The following AGBL1 variants were observed in gnomAD, a reference collection of about 807,000 sequenced individuals.
AGBL1 encodes cytosolic carboxypeptidase 4.
In AGBL1, 130 loss-of-function variants were observed where a neutral mutation model predicts 118.9. The ratio of observed to expected loss-of-function variants is 1.09; its 90% CI spans 0.95 to 1.26. The LOEUF is 1.26. AGBL1 is among the 50% of genes most tolerant of loss of function. The pLI is 0.00. For synonymous variants in AGBL1, 555 were observed against 478.9 expected (o/e 1.16, Z -2.08); for missense variants, 1,584 against 1,298.1 (o/e 1.22, Z -3.38).
intron 23 of AGBL1, among the ~76,000 whole-genome samples, chr15:86,948,280 A>T (rs777006519): frequency 6.6e-6 from 1 of 152,202 alleles, no homozygotes; most frequent in Non-Finnish European, 1.5e-5. Context: ...AAGCAAACAC[A>T]AAACAATATG....
Position 86,174,133 on chromosome 15 carries a change from T to A in AGBL1, c.488+15107T>A, listed in dbSNP as rs867726116. Among the ~76,000 whole-genome samples, 13 of 152,182 alleles carry A rather than the reference T, an allele frequency of 8.5e-5. No individual in the cohort carries two copies. The South Asian group carries it at 2.3e-3, about 27-fold the overall frequency. On this transcript the variant is annotated intron_variant, in intron 5 of 22. Coordinates refer to ENST00000614907, the MANE Select transcript of AGBL1 (RefSeq NM_001386094.1). ...GTGTCCTTTTCAATTTCTTCATCAG[T>A]GTTTTGTAGTTTTCCTTCTAGAGGT...
chr15:86,414,170 A>G (rs2081658555), intron 18 of AGBL1, among the ~76,000 whole-genome samples: 1 of 152,166 alleles, frequency 6.6e-6, no homozygotes, highest in South Asian at 2.1e-4. Flanking sequence ...CTGGAGACTC[A>G]AAAGGATAGC....
chr15:86,420,299 C>T (rs943850543), intron 18 of AGBL1, among the ~76,000 whole-genome samples: 1 of 152,072 alleles, frequency 6.6e-6, no homozygotes, highest in African/African-American at 2.4e-5. Context: ...GTTCTGCAGC[C>T]TCTGCTGGTG....
chr15:86,424,817 A>T (rs563588754), intron 18 of AGBL1, among the ~76,000 whole-genome samples: 1 of 152,246 alleles, frequency 6.6e-6, no homozygotes, highest in Non-Finnish European at 1.5e-5. Flanking sequence ...CATTAGAGAA[A>T]TGCAAATCAA....
chr15:86,282,193 C>A (rs1171047410), intron 16 of AGBL1, among the ~76,000 whole-genome samples: 1 of 151,914 alleles, frequency 6.6e-6, no homozygotes, highest in Non-Finnish European at 1.5e-5. Flanking sequence ...GGTGGGGGGT[C>A]AATGAGGAGA....
chr15:87,004,987 T>C (rs1420862364), intron 24 of AGBL1, among the ~76,000 whole-genome samples: 2 of 152,176 alleles, frequency 1.3e-5, no homozygotes, highest in Admixed American at 1.3e-4. Flanking sequence ...GGGTTGAAAA[T>C]TATTTTGTTT....
At chr15:86,858,200 G>A (rs1293701780) in intron 22 of AGBL1, among the ~76,000 whole-genome samples, 1 of 152,148 alleles carries the variant, frequency 6.6e-6, no homozygotes, top group Non-Finnish European at 1.5e-5. Context: ...GGGTATCACA[G>A]AAAAGAAGGC....
At chr15:86,797,469 C>G (rs2078589309) in intron 22 of AGBL1, among the ~76,000 whole-genome samples, 1 of 152,188 alleles carries the variant, frequency 6.6e-6, no homozygotes, top group African/African-American at 2.4e-5. Flanking sequence ...TGTTATCCTG[C>G]AGGCATTTCA....
chr15:86,412,985 C>T (rs543577178), intron 18 of AGBL1, among the ~76,000 whole-genome samples: 9 of 152,192 alleles, frequency 5.9e-5, no homozygotes, highest in African/African-American at 1.9e-4. Flanking sequence ...GTGTCCCAGG[C>T]CATTCAGAAC....
At chr15:86,933,575 C>CT (rs1415511397) in intron 23 of AGBL1, among the ~76,000 whole-genome samples, 1 of 152,238 alleles carries the variant, frequency 6.6e-6, no homozygotes, top group East Asian at 1.9e-4. Context: ...AGTTAAACTC[C>CT]TTTCTTGACT....
rs537522006 is a variant in AGBL1, at chr15:86,266,294, G to T, written c.1668-80G>T. The T allele has an allele frequency of 2.7e-5, 28 of 1,051,170 alleles. No individual in the cohort carries two copies. In the Admixed American group the frequency reaches 6.3e-4, roughly 24 times the overall value. The allele number at this position is 1,051,170 out of a possible 1,614,324, so 65.1% of individuals were successfully genotyped here. On this transcript the variant is annotated intron_variant, in intron 11 of 22. Transcript: ENST00000614907. ...TCATATTTTTCTGGTGACCCCCAAAGTTCTTCCCAGGTGATCACAGGATGA... is the reference window on the plus strand; with the variant it reads ...TCATATTTTTCTGGTGACCCCCAAATTTCTTCCCAGGTGATCACAGGATGA...
At chr15:86,238,083 C>G (rs560583493) in intron 6 of AGBL1, among the ~76,000 whole-genome samples, 3 of 152,308 alleles carry the variant, frequency 2.0e-5, no homozygotes, top group African/African-American at 7.2e-5. Flanking sequence ...AGGGTCTTCC[C>G]TGATCATCCA....
chr15:86,748,510 CTTTTTTTTTTTTTTTTTT>C (rs752203969), intron 22 of AGBL1, among the ~76,000 whole-genome samples: 23 of 9,776 alleles, frequency 2.4e-3, no homozygotes, highest in South Asian at 8.5e-3. Context: ...TCAATTTTGG[CTTTTTTTTTTTTTTTTTT>C]TTTTTTTTTT....
chr15:86,929,785 T>A (rs2080583749), intron 23 of AGBL1, among the ~76,000 whole-genome samples: 2 of 152,244 alleles, frequency 1.3e-5, no homozygotes, highest in South Asian at 2.1e-4. Context: ...TTCTTTATGA[T>A]CATTGACATT....
chr15:86,380,623 T>C (rs1378170025), intron 17 of AGBL1, among the ~76,000 whole-genome samples: 1 of 150,204 alleles, frequency 6.7e-6, no homozygotes. Flanking sequence ...TTCTCTCTGC[T>C]TCTTTGGTGT....
intron 18 of AGBL1, among the ~76,000 whole-genome samples, chr15:86,469,459 C>T (rs1473465723): frequency 2.0e-5 from 3 of 152,112 alleles, no homozygotes; most frequent in African/African-American, 4.8e-5. Flanking sequence ...GTATGGGTCA[C>T]ATTTTCTTTA....
At chr15:86,418,005 G>A (rs1438672604) in intron 18 of AGBL1, among the ~76,000 whole-genome samples, 2 of 152,034 alleles carry the variant, frequency 1.3e-5, no homozygotes, top group African/African-American at 4.8e-5. Flanking sequence ...CTCTATAGTT[G>A]ATCTAGATGG....
chr15:86,687,163 C>G (rs192666299), intron 22 of AGBL1, among the ~76,000 whole-genome samples: 4 of 152,226 alleles, frequency 2.6e-5, no homozygotes, highest in Admixed American at 2.6e-4. Context: ...GAAACAAAGG[C>G]AAGAACTCTG....
chr15:87,001,139 G>A (rs978251857), intron 24 of AGBL1, among the ~76,000 whole-genome samples: 2 of 143,032 alleles, frequency 1.4e-5, no homozygotes, highest in African/African-American at 2.6e-5. Flanking sequence ...CTGAGACAAT[G>A]GGGTTTTCTA....
Sources: allele counts gnomAD v4.1 joint callset (sites outside exome capture counted in the v4.1 genomes callset), GRCh38; gene constraint gnomAD v4.1.1; transcripts MANE v1.5; gene names NCBI Gene and HGNC (gene_info 2026-07-23, HGNC 2026-07-21).